Variants in BCL7B observed in about 807,000 individuals in gnomAD.
BCL7B encodes the protein B-cell CLL/lymphoma 7 protein family member B.
BCL7B carries 11 observed loss-of-function variants against 26.5 expected under a neutral mutation model. That is an observed-to-expected ratio of 0.42 (90% CI 0.26 to 0.69). BCL7B has a LOEUF of 0.69. Ranked by LOEUF, BCL7B falls within the 30% of genes least tolerant of loss-of-function variation. BCL7B has a pLI of 0.28. For synonymous variants in BCL7B, 111 were observed against 107.9 expected, an observed-to-expected ratio of 1.03 and a Z score of -0.18; for missense variants, 215 against 264.4, an observed-to-expected ratio of 0.81 and a Z score of 1.30.
At chr7:73,547,426 G>A (rs1791996092) in intron 2 of BCL7B, among the ~76,000 whole-genome samples, 1 of 152,094 alleles carries the variant, frequency 6.6e-6, no homozygotes, top group Non-Finnish European at 1.5e-5. Flanking sequence ...TTGCACCACT[G>A]TACTCCAGCA....
At chr7:73,537,483 C>G in intron 5 of BCL7B, 93 bp from the exon 6 acceptor site, 1 of 925,982 alleles carries the variant, frequency 1.1e-6, no homozygotes, top group Admixed American at 2.0e-5. Context: ...CCACTCTGCT[C>G]CTTCCAGCAG....
At chr7:73,541,663 C>T (rs1791776405) in intron 3 of BCL7B, among the ~76,000 whole-genome samples, 2 of 152,080 alleles carry the variant, frequency 1.3e-5, no homozygotes, top group Admixed American at 1.3e-4. Flanking sequence ...GACGGGGTTT[C>T]ACCATGTTGG....
intron 1 of BCL7B, 98 bp from the exon 2 acceptor site, chr7:73,552,340 T>C: frequency 1.0e-6 from 1 of 984,690 alleles, no homozygotes; most frequent in Admixed American, 2.2e-5. Context: ...ATTCCTTCAA[T>C]CTGGAATCCT....
At position 73,549,735 on chromosome 7, in the gene BCL7B, T is replaced by A. The variant is rs184204912; in HGVS notation, c.168+2432A>T. On this transcript the variant is annotated intron_variant, in intron 2 of 5. Coordinates refer to ENST00000223368, the MANE Select transcript of BCL7B (RefSeq NM_001707.4). ...GTCCCAGCTTCTCAGGAGGCTGAGGTGGGAGGATTGCTTGAGCCTGGGAGG... is the reference window on the plus strand; with the variant it reads ...GTCCCAGCTTCTCAGGAGGCTGAGGAGGGAGGATTGCTTGAGCCTGGGAGG... Among the ~76,000 whole-genome samples, 676 of 152,194 alleles carry A rather than the reference T, an allele frequency of 4.4e-3. 9 individuals carry two copies. Among genetic ancestry groups the A allele is most frequent in the African/African-American group, 0.015 (630 of 41,524 alleles).
At chr7:73,544,686 T>C (rs782652164) in intron 2 of BCL7B, among the ~76,000 whole-genome samples, 1 of 152,100 alleles carries the variant, frequency 6.6e-6, no homozygotes, top group Non-Finnish European at 1.5e-5. Context: ...TATTTTTACC[T>C]ATAACATTTG....
At chr7:73,543,716 G>T in intron 2 of BCL7B, 72 bp from the exon 3 acceptor site, 1 of 1,227,826 alleles carries the variant, frequency 8.1e-7, no homozygotes, top group Non-Finnish European at 1.2e-6. Flanking sequence ...AGGGTGCTAT[G>T]TGACAGACCA....
At chr7:73,550,324 T>C (rs980106941) in intron 2 of BCL7B, among the ~76,000 whole-genome samples, 5 of 152,122 alleles carry the variant, frequency 3.3e-5, no homozygotes, top group Non-Finnish European at 7.4e-5. Context: ...GGCAGGCGGA[T>C]TACTTGAGGT....
Position 73,552,178 on chromosome 7 carries a change from C to T in BCL7B, c.157G>A (p.Asp53Asn). The change falls in exon 2 of 6, where the codon GAC becomes AAC. Residue 53 changes from aspartate to asparagine, a missense_variant. Coordinates refer to ENST00000223368, the MANE Select transcript of BCL7B (RefSeq NM_001707.4). ...LRIFKWVPVT[D>N]SKEKEKSKSN... The stretch of plus-strand genomic sequence containing the variant: ...TCTTCCACACTTACCTCCTTGCTGT[C>T]TGTCACAGGAACCCACTTAAATATC... The T allele has an allele frequency of 6.2e-7, 1 of 1,609,788 alleles. No individual in the cohort carries two copies. Among genetic ancestry groups the T allele is most frequent in the Non-Finnish European group, 8.5e-7 (1 of 1,178,668 alleles).
intron 2 of BCL7B, among the ~76,000 whole-genome samples, chr7:73,546,247 G>A (rs1282850707): frequency 6.6e-6 from 1 of 152,038 alleles, no homozygotes; most frequent in Non-Finnish European, 1.5e-5. Context: ...GTGAGTGCAC[G>A]CATAAAACTC....
intron 3 of BCL7B, among the ~76,000 whole-genome samples, chr7:73,543,096 G>A (rs984560060): frequency 6.6e-6 from 1 of 151,960 alleles, no homozygotes; most frequent in Non-Finnish European, 1.5e-5. Flanking sequence ...CAGAGTTATC[G>A]TGAAGTTTAA....
At chr7:73,556,489 T>C (rs555830158) in intron 1 of BCL7B, among the ~76,000 whole-genome samples, 1 of 152,296 alleles carries the variant, frequency 6.6e-6, no homozygotes, top group East Asian at 1.9e-4. Context: ...CCTGGGTTTT[T>C]AAATTATTAG....
intron 1 of BCL7B, among the ~76,000 whole-genome samples, chr7:73,555,284 A>G (rs1792318683): frequency 6.6e-6 from 1 of 151,806 alleles, no homozygotes; most frequent in Non-Finnish European, 1.5e-5. Context: ...GTGTACACTT[A>G]TAATCAGCTA....
In BCL7B at chr7:73,536,693, A is replaced by G. The variant is rs1437528070; in HGVS notation, c.*605T>C. 5 of 152,774 alleles carry G rather than the reference A, an allele frequency of 3.3e-5. No homozygotes were observed. Among genetic ancestry groups the G allele is most frequent in the African/African-American group, 1.2e-4 (5 of 41,448 alleles). 9.5% of individuals were successfully genotyped at this position (152,774 alleles called of 1,614,324 possible). On this transcript the variant is annotated 3_prime_UTR_variant, in exon 6 of 6. Transcript: ENST00000223368. ...GCAGGGGATGGGGACGGCGGCCACA[A>G]AGGGCTGTCAGCAGCTAGGGTGCCC... is the stretch of plus-strand genomic sequence containing the variant.
chr7:73,548,886 C>T (rs1311225020), intron 2 of BCL7B, among the ~76,000 whole-genome samples: 2 of 151,974 alleles, frequency 1.3e-5, no homozygotes, highest in East Asian at 1.9e-4. Context: ...GCCGAGATTG[C>T]GCCACTGCAC....
chr7:73,551,551 A>C (rs561426434), intron 2 of BCL7B, among the ~76,000 whole-genome samples: 1 of 151,670 alleles, frequency 6.6e-6, no homozygotes, highest in Admixed American at 6.6e-5. Flanking sequence ...TGATCCGCCC[A>C]CCTTGGCCTC....
intron 2 of BCL7B, among the ~76,000 whole-genome samples, chr7:73,546,131 CAAAAAAAA>C (rs1327019672): frequency 1.4e-5 from 1 of 73,908 alleles, no homozygotes; most frequent in Non-Finnish European, 2.6e-5. Context: ...GACTCCATCT[CAAAAAAAA>C]AAAAAAAAAA....
chr7:73,550,063 A>G (rs1554583938), intron 2 of BCL7B, among the ~76,000 whole-genome samples: 1 of 152,202 alleles, frequency 6.6e-6, no homozygotes, highest in East Asian at 1.9e-4. Context: ...TATGTTTTAT[A>G]TACTTCTCTG....
At chr7:73,548,872 G>A (rs1464196609) in intron 2 of BCL7B, among the ~76,000 whole-genome samples, 1 of 152,140 alleles carries the variant, frequency 6.6e-6, no homozygotes, top group Non-Finnish European at 1.5e-5. Context: ...AGAGGCTGCA[G>A]TGAGCCGAGA....
At chr7:73,538,435 T>G (rs1791623076) in intron 4 of BCL7B, among the ~76,000 whole-genome samples, 1 of 152,102 alleles carries the variant, frequency 6.6e-6, no homozygotes, top group African/African-American at 2.4e-5. Context: ...GAGAAACAAG[T>G]TCCATTTTGT....
Sources: allele counts gnomAD v4.1 joint callset (sites outside exome capture counted in the v4.1 genomes callset), GRCh38; gene constraint gnomAD v4.1.1; transcripts MANE v1.5; gene names NCBI Gene and HGNC (gene_info 2026-07-23, HGNC 2026-07-21).